LONRF1: variants seen among roughly 807,000 people sequenced by gnomAD.
The protein encoded by LONRF1 is LON peptidase N-terminal domain and RING finger protein 1.
LONRF1 carries 37 observed loss-of-function variants against 85.8 expected under a neutral mutation model. The observed-to-expected ratio is 0.43, with a 90% CI of 0.33 to 0.57. The LOEUF is 0.57. Among genes scored for constraint, LONRF1 ranks in the 20% least tolerant of loss-of-function variants. The probability of loss-of-function intolerance (pLI) is 0.04; values close to 1 mark genes in which losing one functional copy is unlikely to be tolerated. For synonymous variants in LONRF1, 517 were observed against 390.1 expected, an observed-to-expected ratio of 1.33 and a Z score of -3.83; for missense variants, 1,036 against 978.0, an observed-to-expected ratio of 1.06 and a Z score of -0.79.
intron 1 of LONRF1, among the ~76,000 whole-genome samples, chr8:12,744,352 G>A (rs538844480): frequency 1.2e-4 from 18 of 151,962 alleles, no homozygotes; most frequent in African/African-American, 3.6e-4. Context: ...TTATATCAAC[G>A]AAAACATTTA....
intron 10 of LONRF1, among the ~76,000 whole-genome samples, chr8:12,728,061 A>G (rs1408892377): frequency 6.6e-6 from 1 of 152,242 alleles, no homozygotes; most frequent in Non-Finnish European, 1.5e-5. Flanking sequence ...TTGTGAAAAT[A>G]CCTAATGCCA....
intron 11 of LONRF1, among the ~76,000 whole-genome samples, chr8:12,724,438 T>A (rs1806073328): frequency 6.6e-6 from 1 of 152,204 alleles, no homozygotes; most frequent in Admixed American, 6.5e-5. Context: ...TGATGCAGGA[T>A]CTCTGGTGGC....
intron 10 of LONRF1, chr8:12,726,101 T>A (rs971753858): frequency 2.4e-6 from 1 of 414,918 alleles, no homozygotes; most frequent in African/African-American, 2.0e-5. Flanking sequence ...ATGCCTAACC[T>A]TGCTGACTTA....
chr8:12,721,929 A>C lies in LONRF1; in HGVS notation c.*1167T>G, dbSNP rs891256136. The C allele has an allele frequency of 1.3e-5, 2 of 152,498 alleles. No individual in the cohort carries two copies. The highest frequency in any genetic ancestry group is 4.8e-5 in the African/African-American group (2 of 41,472). 9.4% of individuals were successfully genotyped at this position (152,498 alleles called of 1,614,324 possible). On this transcript the variant is annotated 3_prime_UTR_variant, in exon 12 of 12. Transcript: ENST00000398246. The stretch of plus-strand genomic sequence containing the variant: ...AGTATTAGGAATTTAGCTTTTATTC[A>C]AAATTAAATAAGCAAAAGCAAAAAT...
At chr8:12,740,766 GATTT>G (rs1798901803) in intron 3 of LONRF1, 104 bp downstream of exon 3, 3 of 1,355,252 alleles carry the variant, frequency 2.2e-6, no homozygotes, top group Non-Finnish European at 3.0e-6. Context: ...TCCTAAGTTA[GATTT>G]ATTTACTACT....
At chr8:12,744,440 C>T (rs1799064019) in intron 1 of LONRF1, among the ~76,000 whole-genome samples, 1 of 152,098 alleles carries the variant, frequency 6.6e-6, no homozygotes, top group Non-Finnish European at 1.5e-5. Flanking sequence ...TCTTGTGCTT[C>T]TTAAAGCAAT....
At chr8:12,742,629 T>TA (rs777645573) in intron 2 of LONRF1, among the ~76,000 whole-genome samples, 8 of 152,204 alleles carry the variant, frequency 5.3e-5, no homozygotes, top group Non-Finnish European at 1.2e-4. Context: ...TTTTGTATAA[T>TA]AAAGTCTTTT....
intron 1 of LONRF1, among the ~76,000 whole-genome samples, chr8:12,745,882 G>C (rs1003674017): frequency 6.6e-6 from 1 of 152,210 alleles, no homozygotes; most frequent in Middle Eastern, 3.4e-3. Flanking sequence ...ACCAGAAGCA[G>C]GGACAGATGT....
chr8:12,727,416 A>G (rs1054846231), intron 10 of LONRF1: 1 of 151,720 alleles, frequency 6.6e-6, no homozygotes, highest in African/African-American at 2.4e-5. Flanking sequence ...AAAATTTGCC[A>G]TATAAAACAA....
At chr8:12,740,105 T>C (rs1447927887) in intron 3 of LONRF1, among the ~76,000 whole-genome samples, 2 of 152,146 alleles carry the variant, frequency 1.3e-5, no homozygotes, top group African/African-American at 4.8e-5. Context: ...CACATGATTC[T>C]GACAAAAAGC....
At chr8:12,735,181 G>C in intron 7 of LONRF1, 105 bp downstream of exon 7, 1 of 714,158 alleles carries the variant, frequency 1.4e-6, no homozygotes, top group Non-Finnish European at 2.4e-6. Context: ...TCAGAATATA[G>C]AATGTAATTC....
chr8:12,740,687 T>C (rs2117294606), intron 3 of LONRF1, among the ~76,000 whole-genome samples, 187 bp downstream of exon 3: 1 of 152,306 alleles, frequency 6.6e-6, no homozygotes, highest in South Asian at 2.1e-4. Flanking sequence ...AATGAAATGT[T>C]TCGATTTCAC....
chr8:12,755,077 C>G lies in LONRF1; in HGVS notation c.344G>C (p.Gly115Ala). Reference sequence around the variant, plus strand: ...GCATCTGAGGAGCCCGCCGGCGCCGCCGTCAGCGCCTGCAACCGGGGCCGC... The same window carrying G: ...GCATCTGAGGAGCCCGCCGGCGCCGGCGTCAGCGCCTGCAACCGGGGCCGC... Reference protein sequence around the residue: ...WSAAPVAGADGGAGGLLRCLG... With the variant: ...WSAAPVAGADAGAGGLLRCLG... The change falls in exon 1 of 12, where the codon GGC (glycine) becomes GCC (alanine). Residue 115 changes from glycine to alanine, a missense_variant. By Grantham distance (60) the Gly-to-Ala change is moderately conservative. This residue lies in a region of LONRF1 where 742 missense variants were observed against 614.4 expected (regional missense o/e 1.21). Coordinates refer to ENST00000398246, the MANE Select transcript of LONRF1 (RefSeq NM_152271.5). 1 of 1,472,754 alleles carries G rather than the reference C, an allele frequency of 6.8e-7. No homozygotes were observed. The highest frequency in any genetic ancestry group is 8.9e-7 in the Non-Finnish European group (1 of 1,117,406). The allele number at this position is 1,472,754 out of a possible 1,614,324, so 91.2% of individuals were successfully genotyped here. A position where few individuals can be genotyped will look rare whatever the true frequency, so the allele number is the denominator to read the frequency against.
intron 1 of LONRF1, among the ~76,000 whole-genome samples, chr8:12,752,459 T>A (rs910039487): frequency 1.3e-5 from 2 of 152,182 alleles, no homozygotes; most frequent in Non-Finnish European, 2.9e-5. Flanking sequence ...CATTCAGACA[T>A]TTTCAAGCAT....
chr8:12,754,834 A>G lies in LONRF1; in HGVS notation c.587T>C (p.Val196Ala). 1 of 1,485,882 alleles carries G rather than the reference A, an allele frequency of 6.7e-7. No individual in the cohort carries two copies. The highest frequency in any genetic ancestry group is 2.2e-5 in the Admixed American group (1 of 45,318). The allele number at this position is 1,485,882 out of a possible 1,614,324, so 92.0% of individuals were successfully genotyped here. The change falls in exon 1 of 12, where the codon GTC (valine) becomes GCC (alanine). Residue 196 changes from valine (V) to alanine (A), a missense_variant. Around this residue, in one of 3 missense-constraint regions of LONRF1, gnomAD observed 742 missense variants for 614.4 expected, o/e 1.21. Transcript: ENST00000398246. ...IAASDFRTSV[V>A]LNHLAEKWFP... ...CCACTTCTCGGCCAGGTGGTTGAGG[A>G]CGACGCTGGTTCTGAAGTCTGAAGC...
chr8:12,747,119 G>A (rs542029479), intron 1 of LONRF1, among the ~76,000 whole-genome samples: 2 of 152,190 alleles, frequency 1.3e-5, no homozygotes, highest in Admixed American at 1.3e-4. Flanking sequence ...GATTCCTTAA[G>A]CTCAATTCAT....
intron 2 of LONRF1, among the ~76,000 whole-genome samples, chr8:12,741,686 G>GA (rs1202941803): frequency 6.6e-6 from 1 of 152,116 alleles, no homozygotes; most frequent in African/African-American, 2.4e-5. Flanking sequence ...ATTAAAATGT[G>GA]AAAAAAATTT....
chr8:12,735,932 C>G (rs1255335253), intron 6 of LONRF1, among the ~76,000 whole-genome samples: 1 of 152,098 alleles, frequency 6.6e-6, no homozygotes, highest in Non-Finnish European at 1.5e-5. Context: ...TAATGTTAGA[C>G]TTAATACTAA....
chr8:12,732,872 G>C (rs146615627), intron 7 of LONRF1, among the ~76,000 whole-genome samples: 1 of 152,154 alleles, frequency 6.6e-6, no homozygotes, highest in Non-Finnish European at 1.5e-5. Flanking sequence ...TAAAATTAGT[G>C]AGGAAAACCT....
Sources: gnomAD v4.1 joint callset for allele counts (sites outside exome capture counted in the v4.1 genomes callset) on GRCh38, gnomAD v4.1.1 for gene constraint, gnomAD v4.1.1 regional missense constraint, MANE v1.5 for transcripts, NCBI Gene and HGNC (gene_info 2026-07-23, HGNC 2026-07-21) for gene names.